The following DLGAP1 variants were observed in gnomAD, a reference collection of about 807,000 sequenced individuals.
The protein encoded by DLGAP1 is disks large-associated protein 1.
In DLGAP1, 11 loss-of-function variants were observed where a neutral mutation model predicts 90.8. That is an observed-to-expected ratio of 0.12 (90% CI 0.08 to 0.20). The LOEUF is 0.20. Ranked by LOEUF, DLGAP1 falls within the 10% of genes least tolerant of loss-of-function variation. The pLI is 1.00. For missense variants in DLGAP1, 1,050 were observed against 1,333.8 expected, an observed-to-expected ratio of 0.79 and a Z score of 3.31; for synonymous variants, 558 against 540.7, an observed-to-expected ratio of 1.03 and a Z score of -0.44.
intron 3 of DLGAP1, among the ~76,000 whole-genome samples, chr18:3,946,178 A>G (rs925976807): frequency 3.3e-5 from 5 of 152,154 alleles, no homozygotes; most frequent in Non-Finnish European, 7.4e-5. Flanking sequence ...AAAAGAATAA[A>G]AAGTGATGAA....
chr18:4,436,398 T>C (rs1389259390), intron 1 of DLGAP1, among the ~76,000 whole-genome samples: 1 of 152,004 alleles, frequency 6.6e-6, no homozygotes, highest in Non-Finnish European at 1.5e-5. Flanking sequence ...CCACCAAAGT[T>C]TCTGATTCAG....
chr18:3,668,799 G>A (rs1392790352), intron 7 of DLGAP1, among the ~76,000 whole-genome samples: 1 of 152,022 alleles, frequency 6.6e-6, no homozygotes, highest in Non-Finnish European at 1.5e-5. Context: ...GGAGTTCGAG[G>A]CCATCCTGGG....
intron 1 of DLGAP1, among the ~76,000 whole-genome samples, chr18:4,374,031 A>G (rs1229895336): frequency 2.0e-5 from 3 of 152,222 alleles, no homozygotes; most frequent in Non-Finnish European, 4.4e-5. Context: ...ATTTCACTCT[A>G]TAGATGTAAA....
At chr18:4,173,303 C>A (rs2144601824) in intron 1 of DLGAP1, among the ~76,000 whole-genome samples, 1 of 152,280 alleles carries the variant, frequency 6.6e-6, no homozygotes, top group Admixed American at 6.5e-5. Context: ...GATATATAGA[C>A]TTTCTTTACT....
Position 3,741,020 on chromosome 18 carries a change from C to CCACCATCACCT in DLGAP1, c.1350+1314_1350+1315insAGGTGATGGTG, listed in dbSNP as rs1555649318. The stretch of plus-strand genomic sequence containing the variant: ...CACCTCACCACCACCACCACCATCA[C>CCACCATCACCT]CACCACCACCACCACCATCACCTCA... On this transcript the variant is annotated intron_variant, in intron 6 of 12. Coordinates refer to ENST00000315677, the MANE Select transcript of DLGAP1 (RefSeq NM_004746.4). Among the ~76,000 whole-genome samples, 336 of 74,992 alleles carry CCACCATCACCT rather than the reference C, an allele frequency of 4.5e-3. 3 individuals carry two copies. The highest frequency in any genetic ancestry group is 0.02 in the East Asian group (61 of 3,034). The allele number at this position is 74,992 out of a possible 152,430, so 49.2% of individuals were successfully genotyped here.
At chr18:4,039,000 A>AGAAG (rs2074932941) in intron 2 of DLGAP1, among the ~76,000 whole-genome samples, 4 of 152,246 alleles carry the variant, frequency 2.6e-5, no homozygotes, top group African/African-American at 9.6e-5. Flanking sequence ...GGTCAAGCAC[A>AGAAG]CAAGCACACA....
In DLGAP1 at chr18:3,729,181, C is replaced by T. The variant is rs199739014; in HGVS notation, c.1545G>A (p.Ser515=). The T allele has an allele frequency of 1.0e-4, 162 of 1,613,380 alleles. No individual in the cohort carries two copies. In the East Asian group the frequency reaches 3.6e-3, roughly 36 times the overall value. ...DDECVSLRSS[S]PPRTTTTVRT... ...TAACGGTGGTGGTGGTGCGCGGCGG[C>T]GAGGACGACCTCAGGGACACGCACT... The change falls in exon 7 of 13, where the codon TCG becomes TCA. Residue 515 remains serine (S), a synonymous_variant. Transcript: ENST00000315677. The surrounding 1 kb of genome is among the most constrained non-coding windows in gnomAD (Gnocchi z 6.2).
intron 1 of DLGAP1, among the ~76,000 whole-genome samples, chr18:4,363,894 T>C (rs926502696): frequency 6.6e-6 from 1 of 152,098 alleles, no homozygotes; most frequent in Non-Finnish European, 1.5e-5. Flanking sequence ...GAACCAGCCA[T>C]CCCATTACTG....
At chr18:3,944,678 G>A (rs2072841834) in intron 3 of DLGAP1, among the ~76,000 whole-genome samples, 1 of 152,248 alleles carries the variant, frequency 6.6e-6, no homozygotes, top group Admixed American at 6.5e-5. Flanking sequence ...AATTACTGCT[G>A]TAATCAGCAT....
At chr18:3,683,962 C>T (rs1307081609) in intron 7 of DLGAP1, among the ~76,000 whole-genome samples, 7 of 151,740 alleles carry the variant, frequency 4.6e-5, no homozygotes, top group Non-Finnish European at 8.8e-5. Flanking sequence ...TGGGGGGACA[C>T]GAGGATTAAA....
At chr18:4,230,680 T>C (rs1386914076) in intron 1 of DLGAP1, among the ~76,000 whole-genome samples, 1 of 149,142 alleles carries the variant, frequency 6.7e-6, no homozygotes, top group Admixed American at 6.8e-5. Context: ...GGTACATAAA[T>C]AGAAAGAATG....
chr18:3,909,089 C>T (rs1406053976), intron 3 of DLGAP1, among the ~76,000 whole-genome samples: 3 of 152,152 alleles, frequency 2.0e-5, no homozygotes, highest in Non-Finnish European at 4.4e-5. Context: ...ATTGGAAAAT[C>T]TAAGGAACAG....
At chr18:4,207,047 G>A (rs2077734283) in intron 1 of DLGAP1, among the ~76,000 whole-genome samples, 1 of 152,138 alleles carries the variant, frequency 6.6e-6, no homozygotes, top group Admixed American at 6.5e-5. Flanking sequence ...GCAGATGGTG[G>A]GTAAGCACTG....
chr18:4,035,294 C>T (rs376444445), intron 2 of DLGAP1, among the ~76,000 whole-genome samples: 5 of 152,098 alleles, frequency 3.3e-5, no homozygotes, highest in African/African-American at 9.7e-5. Context: ...CTGCAGTGAG[C>T]TATGATGGTG....
At chr18:4,063,102 A>G (rs2075321414) in intron 2 of DLGAP1, among the ~76,000 whole-genome samples, 1 of 152,136 alleles carries the variant, frequency 6.6e-6, no homozygotes, top group Admixed American at 6.6e-5. Flanking sequence ...CTCAGAGCCT[A>G]TACTTTATAA....
intron 7 of DLGAP1, chr18:3,608,017 C>T (rs1281120938): frequency 6.6e-6 from 1 of 152,312 alleles, no homozygotes; most frequent in East Asian, 1.9e-4. Flanking sequence ...CATCGGGGGA[C>T]CACAGAAAGT....
Position 4,272,145 on chromosome 18 carries a change from T to C in DLGAP1, c.-266-120858A>G, listed in dbSNP as rs1434543802. Reference sequence around the variant, plus strand: ...GAAGAGTATGAATAGTATTAAATGGTGTATTGCGTAAGAAATATATATTTA... The same window carrying C: ...GAAGAGTATGAATAGTATTAAATGGCGTATTGCGTAAGAAATATATATTTA... On this transcript the variant is annotated intron_variant, in intron 1 of 12. Coordinates refer to ENST00000315677, the MANE Select transcript of DLGAP1 (RefSeq NM_004746.4). Among the ~76,000 whole-genome samples the C allele has an allele frequency of 3.3e-5, 5 of 152,210 alleles. No individual in the cohort carries two copies. In the South Asian group the frequency reaches 6.2e-4, roughly 19 times the overall value.
chr18:4,274,712 T>C (rs557215745), intron 1 of DLGAP1, among the ~76,000 whole-genome samples: 118 of 152,278 alleles, frequency 7.7e-4, no homozygotes, highest in Non-Finnish European at 1.2e-3. Context: ...ACAGCTATAA[T>C]TGAGAAAACC....
intron 3 of DLGAP1, among the ~76,000 whole-genome samples, chr18:3,992,654 G>T (rs2073992174): frequency 1.3e-5 from 2 of 152,172 alleles, no homozygotes; most frequent in Non-Finnish European, 2.9e-5. Context: ...CTCCAGCCTG[G>T]TGACAGAGCC....
Sources: gnomAD v4.1 joint callset for allele counts (sites outside exome capture counted in the v4.1 genomes callset) on GRCh38, gnomAD v4.1.1 for gene constraint, Gnocchi (gnomAD v3.1) non-coding constraint, MANE v1.5 for transcripts, NCBI Gene and HGNC (gene_info 2026-07-23, HGNC 2026-07-21) for gene names.